EFCAB5: variants seen among roughly 807,000 people sequenced by gnomAD.
EFCAB5 encodes EF-hand calcium-binding domain-containing protein 5.
In EFCAB5, 131 loss-of-function variants were observed where a neutral mutation model predicts 167.9. That is an observed-to-expected ratio of 0.78 (90% CI 0.68 to 0.90). The LOEUF is 0.90. EFCAB5 is among the 40% of genes least tolerant of loss of function. The pLI is 0.00. For synonymous variants in EFCAB5, 574 were observed against 602.8 expected (o/e 0.95, Z 0.70); for missense variants, 1,663 against 1,745.2 (o/e 0.95, Z 0.84).
At chr17:30,102,514 G>A (rs542093840) in intron 22 of EFCAB5, among the ~76,000 whole-genome samples, 4 of 152,082 alleles carry the variant, frequency 2.6e-5, no homozygotes, top group African/African-American at 9.6e-5. Context: ...GGGATTACAG[G>A]CATGAGCCAC....
In EFCAB5 at chr17:30,096,677, A is replaced by ATTTTTTTTT. The variant is rs71278522; in HGVS notation, c.4321+3753_4321+3761dup. 9.5e-4 allele frequency among the ~76,000 whole-genome samples: 57 copies of ATTTTTTTTT among 60,126 alleles called. 3 individuals carry two copies. Among genetic ancestry groups the ATTTTTTTTT allele is most frequent in the African/African-American group, 4.5e-3 (54 of 11,904 alleles). The allele number at this position is 60,126 out of a possible 152,430, so 39.4% of individuals were successfully genotyped here. A position where few individuals can be genotyped will look rare whatever the true frequency, so the allele number is the denominator to read the frequency against. ...CATATATATATATATATATATATAT[A>ATTTTTTTTT]TTTTTTTTTTTTTTTTTTTTGAGAT... On this transcript the variant is annotated intron_variant, in intron 22 of 22. Coordinates refer to ENST00000394835, the MANE Select transcript of EFCAB5 (RefSeq NM_198529.4).
At chr17:30,029,471 G>T (rs1317909363) in intron 7 of EFCAB5, among the ~76,000 whole-genome samples, 1 of 152,010 alleles carries the variant, frequency 6.6e-6, no homozygotes, top group Admixed American at 6.6e-5. Flanking sequence ...AGTACTGAAT[G>T]CATATCACTT....
chr17:30,079,702 G>A (rs910397094), intron 15 of EFCAB5, among the ~76,000 whole-genome samples: 1 of 152,026 alleles, frequency 6.6e-6, no homozygotes, highest in Non-Finnish European at 1.5e-5. Context: ...CAACTTCTTG[G>A]CCCAGCTCTC....
chr17:30,106,292 A>T (rs2071448392), intron 22 of EFCAB5, among the ~76,000 whole-genome samples: 1 of 151,460 alleles, frequency 6.6e-6, no homozygotes, highest in African/African-American at 2.4e-5. Flanking sequence ...TTTATTTATA[A>T]TTATAAATAA....
chr17:29,932,543 C>T (rs1021950125), intron 1 of EFCAB5, among the ~76,000 whole-genome samples: 4 of 149,164 alleles, frequency 2.7e-5, no homozygotes, highest in African/African-American at 7.4e-5. Context: ...GCAACCTCCA[C>T]CTCCCGGGTT....
In EFCAB5 at chr17:30,091,893, C is replaced by G. The variant is rs1220257643; in HGVS notation, c.3960C>G (p.Val1320=). ...YILEIENVRE[V]QRAGILFFRI... is the part of the protein sequence containing the mutation. ...CAGAGATTGAAAATGTCAGGGAAGT[C>G]CAGCGGGCAGGAATTCTCTTCTTCC... Residue 1320 remains valine, a synonymous_variant, in exon 21 of 23, where the codon GTC becomes GTG. Coordinates refer to ENST00000394835, the MANE Select transcript of EFCAB5 (RefSeq NM_198529.4). 1 of 1,613,826 alleles carries G rather than the reference C, an allele frequency of 6.2e-7. No individual in the cohort carries two copies. The highest frequency in any genetic ancestry group is 1.7e-5 in the Admixed American group (1 of 60,024).
At chr17:30,107,177 C>T (rs2071459795) in intron 22 of EFCAB5, among the ~76,000 whole-genome samples, 1 of 152,170 alleles carries the variant, frequency 6.6e-6, no homozygotes, top group South Asian at 2.1e-4. Flanking sequence ...GACAGTTTAA[C>T]AGTTTTCAAT....
intron 22 of EFCAB5, among the ~76,000 whole-genome samples, chr17:30,107,095 A>G (rs892802932): frequency 2.6e-5 from 4 of 152,230 alleles, no homozygotes; most frequent in Non-Finnish European, 5.9e-5. Context: ...TCAACTCTAT[A>G]TAGTCTTTCC....
At chr17:29,952,501 C>T (rs1375467007) in intron 3 of EFCAB5, among the ~76,000 whole-genome samples, 1 of 152,060 alleles carries the variant, frequency 6.6e-6, no homozygotes, top group Non-Finnish European at 1.5e-5. Flanking sequence ...CTGGAAATAA[C>T]CCAGTCTATC....
chr17:30,016,412 G>T (rs1432652504), intron 7 of EFCAB5, among the ~76,000 whole-genome samples: 1 of 152,054 alleles, frequency 6.6e-6, no homozygotes, highest in Non-Finnish European at 1.5e-5. Context: ...GATCCACTTT[G>T]AGTTAATTTT....
chr17:30,006,078 C>T (rs2068767997), intron 7 of EFCAB5, among the ~76,000 whole-genome samples: 1 of 152,190 alleles, frequency 6.6e-6, no homozygotes, highest in Non-Finnish European at 1.5e-5. Context: ...TAAATTCTGC[C>T]TCCCTAAAAT....
chr17:30,098,764 A>G (rs1336433080), intron 22 of EFCAB5, among the ~76,000 whole-genome samples: 2 of 152,140 alleles, frequency 1.3e-5, no homozygotes, highest in Non-Finnish European at 2.9e-5. Flanking sequence ...ATTTTAGAAC[A>G]TTTTCATCAC....
At chr17:30,107,334 A>G (rs2071461746) in intron 22 of EFCAB5, among the ~76,000 whole-genome samples, 1 of 152,200 alleles carries the variant, frequency 6.6e-6, no homozygotes, top group East Asian at 1.9e-4. Flanking sequence ...CCTTAACACT[A>G]TATTTGAGTT....
chr17:30,014,937 T>C (rs4344802), intron 7 of EFCAB5, among the ~76,000 whole-genome samples: 92,558 of 151,832 alleles, frequency 0.61, 30,146 homozygotes, highest in African/African-American at 0.85. Flanking sequence ...TGGCTGGTAC[T>C]GGTTGTTCCT....
intron 7 of EFCAB5, among the ~76,000 whole-genome samples, chr17:30,020,105 A>G (rs1400525073): frequency 6.6e-6 from 1 of 152,146 alleles, no homozygotes; most frequent in Non-Finnish European, 1.5e-5. Flanking sequence ...AAATGACAAC[A>G]TTTCCTTCTT....
At chr17:30,050,050 T>A (rs1192442081) in intron 8 of EFCAB5, among the ~76,000 whole-genome samples, 1 of 152,144 alleles carries the variant, frequency 6.6e-6, no homozygotes, top group Admixed American at 6.5e-5. Context: ...ATAAAATATA[T>A]TTCTTTACAG....
chr17:30,072,625 T>C (rs1053456298), intron 14 of EFCAB5, among the ~76,000 whole-genome samples: 3 of 152,204 alleles, frequency 2.0e-5, no homozygotes, highest in African/African-American at 7.2e-5. Context: ...CAGTATGTCC[T>C]TCATTTAGAT....
intron 13 of EFCAB5, 158 bp from the exon 14 acceptor site, chr17:30,059,387 A>T: frequency 1.5e-6 from 1 of 666,084 alleles, no homozygotes; most frequent in Non-Finnish European, 2.2e-6. Context: ...GGGATGCACC[A>T]CTGCTGAATC....
chr17:30,025,082 T>G (rs1597688090), intron 7 of EFCAB5, among the ~76,000 whole-genome samples: 2 of 152,056 alleles, frequency 1.3e-5, no homozygotes, highest in South Asian at 4.2e-4. Flanking sequence ...ATAAAAACCC[T>G]AGAAGAAAAC....
Sources: allele counts gnomAD v4.1 joint callset (sites outside exome capture counted in the v4.1 genomes callset), GRCh38; gene constraint gnomAD v4.1.1; transcripts MANE v1.5; gene names NCBI Gene and HGNC (gene_info 2026-07-23, HGNC 2026-07-21).